The following ATP8A2 variants were observed in gnomAD, a reference collection of about 807,000 sequenced individuals.
ATP8A2 encodes the protein phospholipid-transporting ATPase IB.
ATP8A2 carries 100 observed loss-of-function variants against 165.6 expected under a neutral mutation model. The observed-to-expected ratio is 0.60, with a 90% CI of 0.51 to 0.71. The LOEUF is 0.71. Among genes scored for constraint, ATP8A2 ranks in the 30% least tolerant of loss-of-function variants. ATP8A2 has a pLI of 0.00. For missense variants in ATP8A2, 1,227 were observed against 1,479.5 expected (o/e 0.83, Z 2.80); for synonymous variants, 543 against 548.8 (o/e 0.99, Z 0.15).
intron 24 of ATP8A2, among the ~76,000 whole-genome samples, chr13:25,682,054 G>A (rs1364019645): frequency 1.3e-5 from 2 of 152,076 alleles, no homozygotes; most frequent in East Asian, 1.9e-4. Context: ...CAAAATTACT[G>A]TGTATCCATT....
chr13:25,914,536 A>G (rs1001943834), intron 33 of ATP8A2, among the ~76,000 whole-genome samples: 4 of 152,110 alleles, frequency 2.6e-5, no homozygotes, highest in African/African-American at 9.7e-5. Context: ...TCCCTAACCT[A>G]CACATCCATC....
chr13:25,465,711 C>CTT (rs371309676), intron 1 of ATP8A2, among the ~76,000 whole-genome samples: 2 of 21,380 alleles, frequency 9.4e-5, no homozygotes, highest in Non-Finnish European at 2.1e-4. Flanking sequence ...TTCTTTCTTT[C>CTT]TTTCTTTCTT....
intron 24 of ATP8A2, among the ~76,000 whole-genome samples, chr13:25,616,321 T>G (rs1054247161): frequency 1.4e-5 from 2 of 144,416 alleles, no homozygotes; most frequent in African/African-American, 5.4e-5. Context: ...TTTCTTTCTT[T>G]CTTTCTTTTT....
chr13:26,018,028 AGCTTG>A (rs1957021091), intron 36 of ATP8A2, among the ~76,000 whole-genome samples: 2 of 152,180 alleles, frequency 1.3e-5, no homozygotes, highest in Admixed American at 1.3e-4. Flanking sequence ...ACCCTGGCTC[AGCTTG>A]TATCACCTTC....
intron 24 of ATP8A2, among the ~76,000 whole-genome samples, chr13:25,622,539 A>G (rs2040997318): frequency 6.6e-6 from 1 of 152,214 alleles, no homozygotes. Flanking sequence ...AGAAATGTTT[A>G]TACAGGGTGA....
At chr13:25,758,293 A>G (rs1212027000) in intron 25 of ATP8A2, among the ~76,000 whole-genome samples, 4 of 152,214 alleles carry the variant, frequency 2.6e-5, no homozygotes, top group African/African-American at 9.7e-5. Flanking sequence ...TTTTAAGTCC[A>G]AAAAACCATT....
At chr13:25,861,104 C>T (rs1007114953) in intron 32 of ATP8A2, among the ~76,000 whole-genome samples, 2 of 152,080 alleles carry the variant, frequency 1.3e-5, no homozygotes, top group African/African-American at 2.4e-5. Flanking sequence ...AATGTATTTG[C>T]TCATTGTAAA....
chr13:25,820,769 A>G (rs1310151901), intron 27 of ATP8A2, among the ~76,000 whole-genome samples: 1 of 152,192 alleles, frequency 6.6e-6, no homozygotes, highest in Non-Finnish European at 1.5e-5. Flanking sequence ...AAAGCTAAGT[A>G]CGTTTGTATA....
At chr13:25,714,889 T>C (rs1044060578) in intron 25 of ATP8A2, among the ~76,000 whole-genome samples, 8 of 152,186 alleles carry the variant, frequency 5.3e-5, no homozygotes, top group African/African-American at 1.9e-4. Flanking sequence ...AAAAGTCTCT[T>C]GGAGGAACCA....
intron 33 of ATP8A2, chr13:25,867,807 G>C (rs577726877): frequency 5.6e-6 from 1 of 177,108 alleles, no homozygotes; most frequent in African/African-American, 2.4e-5. Flanking sequence ...GGGTGCTGCT[G>C]TGATGCTGGG....
intron 33 of ATP8A2, among the ~76,000 whole-genome samples, chr13:25,880,482 A>G (rs1026266206): frequency 5.3e-5 from 8 of 152,178 alleles, no homozygotes; most frequent in Non-Finnish European, 7.3e-5. Context: ...CAGTTATTAC[A>G]AGCAAGGAAA....
chr13:25,927,353 C>G, intron 33 of ATP8A2: 1 of 367,792 alleles, frequency 2.7e-6, no homozygotes, highest in South Asian at 2.0e-5. Flanking sequence ...GAAAATAAAT[C>G]AGGTTTGACT....
chr13:25,533,127 G>C (rs1183410537), intron 5 of ATP8A2, 146 bp from the exon 6 acceptor site: 5 of 627,626 alleles, frequency 8.0e-6, no homozygotes, highest in Middle Eastern at 4.2e-4. Flanking sequence ...TTTTGAGGGT[G>C]GGGGTGCTGA....
intron 24 of ATP8A2, among the ~76,000 whole-genome samples, chr13:25,640,734 A>G (rs143577954): frequency 0.035 from 5,262 of 152,296 alleles, 157 homozygotes; most frequent in East Asian, 0.13. Flanking sequence ...AAAAGAGGGA[A>G]TCCTCCCTAA....
At chr13:25,653,472 G>T (rs2041860401) in intron 24 of ATP8A2, among the ~76,000 whole-genome samples, 1 of 152,114 alleles carries the variant, frequency 6.6e-6, no homozygotes, top group Non-Finnish European at 1.5e-5. Flanking sequence ...TGAGAGGAAG[G>T]ACAGGATCAG....
intron 33 of ATP8A2, among the ~76,000 whole-genome samples, chr13:25,943,117 C>T (rs540994174): frequency 6.6e-6 from 1 of 152,160 alleles, no homozygotes; most frequent in South Asian, 2.1e-4. Context: ...AGGGTTTGAA[C>T]CTAGGGAGCA....
intron 33 of ATP8A2, among the ~76,000 whole-genome samples, chr13:25,930,594 G>T (rs576982888): frequency 1.3e-5 from 2 of 152,198 alleles, no homozygotes; most frequent in Non-Finnish European, 2.9e-5. Context: ...AATGTTAATT[G>T]TGTTATTTGT....
intron 24 of ATP8A2, among the ~76,000 whole-genome samples, chr13:25,664,389 C>A (rs185382229): frequency 6.6e-6 from 1 of 152,156 alleles, no homozygotes; most frequent in South Asian, 2.1e-4. Flanking sequence ...TCCTCACCCA[C>A]GCCTCTTCTG....
rs561158628 is a variant in ATP8A2, at chr13:25,512,710, C to T, written c.222-17289C>T. 9.6e-4 allele frequency among the ~76,000 whole-genome samples: 136 copies of T among 141,824 alleles called. 1 individual carries two copies. The highest frequency in any genetic ancestry group is 3.0e-3 in the African/African-American group (113 of 37,930). The allele number at this position is 141,824 out of a possible 152,430, so 93.0% of individuals were successfully genotyped here. A position where few individuals can be genotyped will look rare whatever the true frequency, so the allele number is the denominator to read the frequency against. ...CTGACCCCCCAACCTCCCTCCCGGA[C>T]GGGGCAGCTGGCCGGGCGGGGGGCT... On this transcript the variant is annotated intron_variant, in intron 2 of 36. Transcript: ENST00000381655.
Sources: allele counts gnomAD v4.1 joint callset (sites outside exome capture counted in the v4.1 genomes callset), GRCh38; gene constraint gnomAD v4.1.1; transcripts MANE v1.5; gene names NCBI Gene and HGNC (gene_info 2026-07-23, HGNC 2026-07-21).